The following CSMD1 variants were observed in gnomAD, a reference collection of about 807,000 sequenced individuals.
CSMD1 encodes CUB and sushi domain-containing protein 1.
In CSMD1, 213 loss-of-function variants were observed where a neutral mutation model predicts 417.5. The observed-to-expected ratio is 0.51, with a 90% CI of 0.46 to 0.57. The LOEUF (loss-of-function observed/expected upper bound fraction) is 0.57. Ranked by LOEUF, CSMD1 falls within the 20% of genes least tolerant of loss-of-function variation. CSMD1 has a pLI of 0.00. For missense variants in CSMD1, 6,923 were observed against 4,529.7 expected, an observed-to-expected ratio of 1.53 and a Z score of -15.17; for synonymous variants, 2,862 against 1,736.8, an observed-to-expected ratio of 1.65 and a Z score of -16.11.
intron 3 of CSMD1, among the ~76,000 whole-genome samples, chr8:4,347,980 A>G (rs933161691): frequency 1.3e-5 from 2 of 152,180 alleles, no homozygotes; most frequent in Non-Finnish European, 2.9e-5. Flanking sequence ...GGGAAGCACT[A>G]CACTGGCAAA....
At chr8:3,186,595 G>C (rs933904672) in intron 36 of CSMD1, among the ~76,000 whole-genome samples, 1 of 152,132 alleles carries the variant, frequency 6.6e-6, no homozygotes, top group African/African-American at 2.4e-5. Flanking sequence ...TGAATGGCCT[G>C]TGCGCTATCT....
chr8:3,008,426 G>A (rs756809825), intron 52 of CSMD1, among the ~76,000 whole-genome samples: 1 of 152,230 alleles, frequency 6.6e-6, no homozygotes, highest in Non-Finnish European at 1.5e-5. Context: ...CAACACGGGA[G>A]AGCAGGGGCC....
chr8:4,870,713 G>T (rs1375068479), intron 1 of CSMD1, among the ~76,000 whole-genome samples: 1 of 152,132 alleles, frequency 6.6e-6, no homozygotes. Context: ...GACAAAGCCA[G>T]CCTTTGCCTT....
chr8:3,747,895 G>A (rs780957689), intron 6 of CSMD1, among the ~76,000 whole-genome samples: 1 of 152,118 alleles, frequency 6.6e-6, no homozygotes, highest in Non-Finnish European at 1.5e-5. Context: ...AAGGTCCTCA[G>A]TGTGGCGAGC....
At chr8:4,814,713 T>G (rs2065180116) in intron 1 of CSMD1, among the ~76,000 whole-genome samples, 1 of 152,200 alleles carries the variant, frequency 6.6e-6, no homozygotes, top group Non-Finnish European at 1.5e-5. Context: ...AGGTGTACCC[T>G]GTGACATAGG....
At chr8:4,452,493 C>G (rs1585099762) in intron 2 of CSMD1, among the ~76,000 whole-genome samples, 1 of 152,238 alleles carries the variant, frequency 6.6e-6, no homozygotes, top group South Asian at 2.1e-4. Context: ...CCATGACCTG[C>G]TAACTACAGC....
At chr8:4,277,589 A>G (rs1349819505) in intron 3 of CSMD1, among the ~76,000 whole-genome samples, 2 of 152,196 alleles carry the variant, frequency 1.3e-5, no homozygotes, top group East Asian at 3.8e-4. Context: ...TCATGAAAAC[A>G]GCAAGTTCAC....
At chr8:3,113,421 G>C (rs973653860) in intron 42 of CSMD1, 24 of 152,372 alleles carry the variant, frequency 1.6e-4, no homozygotes, top group African/African-American at 5.8e-4. Context: ...GGAGGGAATT[G>C]CTCAAGCTAT....
chr8:3,903,090 G>T (rs939308756), intron 5 of CSMD1, among the ~76,000 whole-genome samples: 1 of 152,150 alleles, frequency 6.6e-6, no homozygotes, highest in Non-Finnish European at 1.5e-5. Flanking sequence ...TATTGCTGCT[G>T]CTTGTCTGCT....
intron 12 of CSMD1, among the ~76,000 whole-genome samples, chr8:3,455,447 C>A (rs1246783544): frequency 6.6e-6 from 1 of 152,150 alleles, no homozygotes; most frequent in South Asian, 2.1e-4. Flanking sequence ...GTGGTTTTAT[C>A]TTCCTTTGGT....
chr8:3,671,952 C>T (rs184130705), intron 7 of CSMD1, among the ~76,000 whole-genome samples: 9 of 152,156 alleles, frequency 5.9e-5, no homozygotes, highest in African/African-American at 2.2e-4. Context: ...AAGTTTTCGA[C>T]CACACATTTT....
chr8:3,295,371 C>G (rs372212683), intron 25 of CSMD1, among the ~76,000 whole-genome samples: 1 of 152,042 alleles, frequency 6.6e-6, no homozygotes, highest in Non-Finnish European at 1.5e-5. Flanking sequence ...TGTGATCCAC[C>G]CGCCTCGGCC....
At chr8:4,066,647 T>C (rs890215277) in intron 3 of CSMD1, among the ~76,000 whole-genome samples, 8 of 152,236 alleles carry the variant, frequency 5.3e-5, no homozygotes, top group Non-Finnish European at 1.2e-4. Flanking sequence ...TCTTTGTGGA[T>C]GTTTTTGCTC....
At chr8:4,442,778 T>G (rs1376742434) in intron 2 of CSMD1, among the ~76,000 whole-genome samples, 2 of 152,258 alleles carry the variant, frequency 1.3e-5, no homozygotes, top group African/African-American at 2.4e-5. Context: ...AGTAATGGTC[T>G]GTGATAACTT....
chr8:4,834,989 GAAAGAAAGAAAGAAAGAAAGAAA>G (rs1800386444), intron 1 of CSMD1, among the ~76,000 whole-genome samples: 1 of 33,214 alleles, frequency 3.0e-5, no homozygotes, highest in African/African-American at 7.9e-5. Context: ...AAGAAAGAAA[GAAAGAAAGAAAGAAAGAAAGAAA>G]AAAAAATCAC....
chr8:4,282,145 C>A (rs145356075), intron 3 of CSMD1, among the ~76,000 whole-genome samples: 1 of 152,182 alleles, frequency 6.6e-6, no homozygotes, highest in Non-Finnish European at 1.5e-5. Flanking sequence ...TACAATATTG[C>A]TCAAATACGA....
At chr8:4,182,045 G>GGT (rs1458134716) in intron 3 of CSMD1, among the ~76,000 whole-genome samples, 19 of 53,164 alleles carry the variant, frequency 3.6e-4, no homozygotes, top group Non-Finnish European at 7.1e-4. Flanking sequence ...TGTGTGTGTC[G>GGT]GTGTGTGTGT....
chr8:4,400,364 A>G (rs1299764690), intron 3 of CSMD1, among the ~76,000 whole-genome samples: 3 of 152,238 alleles, frequency 2.0e-5, no homozygotes, highest in Non-Finnish European at 4.4e-5. Context: ...AAGCTTCCAA[A>G]TGCTTTTCAT....
intron 19 of CSMD1, among the ~76,000 whole-genome samples, chr8:3,367,895 C>G (rs2117763333): frequency 6.6e-6 from 1 of 152,166 alleles, no homozygotes; most frequent in East Asian, 1.9e-4. Context: ...CCCAGAGGGA[C>G]AAAGGACCAG....
Sources: gnomAD v4.1 joint callset for allele counts (sites outside exome capture counted in the v4.1 genomes callset) on GRCh38, gnomAD v4.1.1 for gene constraint, MANE v1.5 for transcripts, NCBI Gene and HGNC (gene_info 2026-07-23, HGNC 2026-07-21) for gene names.